Variants in SLC13A3 observed in about 807,000 individuals in gnomAD.
The protein encoded by SLC13A3 is Na(+)/dicarboxylate cotransporter 3.
SLC13A3 carries 40 observed loss-of-function variants against 59.0 expected under a neutral mutation model. The ratio of observed to expected loss-of-function variants is 0.68; its 90% CI spans 0.53 to 0.88. The LOEUF (loss-of-function observed/expected upper bound fraction) is 0.88. Ranked by LOEUF, SLC13A3 falls within the 40% of genes least tolerant of loss-of-function variation. SLC13A3 has a pLI of 0.00. For missense variants in SLC13A3, 699 were observed against 783.2 expected, an observed-to-expected ratio of 0.89 and a Z score of 1.28; for synonymous variants, 317 against 330.3, an observed-to-expected ratio of 0.96 and a Z score of 0.44.
intron 1 of SLC13A3, among the ~76,000 whole-genome samples, chr20:46,622,735 C>T (rs776144686): frequency 6.6e-6 from 1 of 151,756 alleles, no homozygotes; most frequent in Non-Finnish European, 1.5e-5. Flanking sequence ...CTGCTAGGGA[C>T]ACTCTAAGGT....
intron 1 of SLC13A3, among the ~76,000 whole-genome samples, chr20:46,680,610 G>A (rs74743656): frequency 7.9e-5 from 12 of 152,206 alleles, no homozygotes; most frequent in African/African-American, 2.9e-4. Context: ...CCCAACGACT[G>A]CATAATGTGA....
chr20:46,560,328 A>T lies in SLC13A3; in HGVS notation c.1633-130T>A, dbSNP rs1276604554. 3.6e-6 allele frequency: 3 copies of T among 833,152 alleles called. No homozygotes were observed. In the African/African-American group the frequency reaches 5.1e-5, roughly 14 times the overall value. The allele number at this position is 833,152 out of a possible 1,614,324, so 51.6% of individuals were successfully genotyped here. On this transcript the variant is annotated intron_variant, in intron 12 of 12. Coordinates refer to ENST00000279027, the MANE Select transcript of SLC13A3 (RefSeq NM_022829.6). ...CCAGGAAGTGATGGAGCCAGGACACAGACCCAGGTCGGTAAATGCCTGGGA... is the reference window on the plus strand; with the variant it reads ...CCAGGAAGTGATGGAGCCAGGACACTGACCCAGGTCGGTAAATGCCTGGGA...
In SLC13A3 at chr20:46,592,314, A is replaced by G. The variant is rs187073370; in HGVS notation, c.920+90T>C. On this transcript the variant is annotated intron_variant, in intron 6 of 12. Transcript: ENST00000279027. ...AATGAGAATACAACATGAAATAACA[A>G]TCATCCTCAGTTTTCATAGGCAGAT... 2.4e-3 allele frequency: 3,546 copies of G among 1,475,156 alleles called. 9 individuals are homozygous for G. The highest frequency in any genetic ancestry group is 2.9e-3 in the Non-Finnish European group (3,066 of 1,074,170). 91.4% of individuals were successfully genotyped at this position (1,475,156 alleles called of 1,614,324 possible).
intron 3 of SLC13A3, chr20:46,608,791 T>C: frequency 3.6e-6 from 5 of 1,385,216 alleles, no homozygotes; most frequent in Non-Finnish European, 4.8e-6. Flanking sequence ...GTTTCATGGA[T>C]AATGCTTGTT....
At chr20:46,604,603 G>A (rs1341583891) in intron 3 of SLC13A3, among the ~76,000 whole-genome samples, 6 of 152,284 alleles carry the variant, frequency 3.9e-5, no homozygotes, top group Admixed American at 2.0e-4. Flanking sequence ...GTGGTACACC[G>A]TTGGTACCAT....
intron 11 of SLC13A3, among the ~76,000 whole-genome samples, chr20:46,564,698 G>A (rs560227096): frequency 3.3e-5 from 5 of 152,200 alleles, no homozygotes; most frequent in South Asian, 2.1e-4. Flanking sequence ...CATTTTAAAC[G>A]TACATGCTCT....
chr20:46,676,273 C>T (rs1368047009), intron 1 of SLC13A3, among the ~76,000 whole-genome samples: 1 of 152,024 alleles, frequency 6.6e-6, no homozygotes, highest in African/African-American at 2.4e-5. Flanking sequence ...CCTGCAGTTT[C>T]ATGAAATTTT....
chr20:46,659,802 T>C (rs372320186), intron 1 of SLC13A3, among the ~76,000 whole-genome samples: 4 of 151,254 alleles, frequency 2.6e-5, no homozygotes, highest in African/African-American at 9.7e-5. Flanking sequence ...TACCACCCTC[T>C]TCTCTTCCTT....
At chr20:46,598,295 G>C (rs1055442301) in intron 4 of SLC13A3, among the ~76,000 whole-genome samples, 2 of 152,198 alleles carry the variant, frequency 1.3e-5, no homozygotes, top group South Asian at 4.1e-4. Flanking sequence ...TACCGTCATG[G>C]TCTGACTTCT....
chr20:46,594,946 G>A (rs2062295325), intron 5 of SLC13A3, among the ~76,000 whole-genome samples: 1 of 152,156 alleles, frequency 6.6e-6, no homozygotes, highest in South Asian at 2.1e-4. Context: ...GTATGTTACT[G>A]AGGGTTGCAC....
intron 1 of SLC13A3, among the ~76,000 whole-genome samples, chr20:46,631,799 G>GA (rs965851815): frequency 6.6e-5 from 10 of 152,106 alleles, no homozygotes; most frequent in East Asian, 5.8e-4. Flanking sequence ...GAGAGAGAGA[G>GA]AAAAAAATGC....
upstream of SLC13A3, chr20:46,670,222 G>T (rs1349467215): frequency 1.3e-5 from 2 of 152,202 alleles, no homozygotes; most frequent in African/African-American, 2.4e-5. Flanking sequence ...CTGGCCAATG[G>T]GAAGTGAGTA....
intron 10 of SLC13A3, among the ~76,000 whole-genome samples, chr20:46,568,269 A>T (rs1274646355): frequency 6.6e-6 from 1 of 151,758 alleles, no homozygotes; most frequent in East Asian, 1.9e-4. Context: ...GTGGTGGTGC[A>T]CGCCTGTAAT....
rs989248709 is a variant in SLC13A3 at position 46,563,696 on chromosome 20, C to G, written c.1495-145G>C. On this transcript the variant is annotated intron_variant, in intron 11 of 12. Transcript: ENST00000279027. ...AGACAAAGACATCCATAGAGATTGG[C>G]AGAGTGGCAGAGAACAACAGGGACA... 5 of 825,534 alleles carry G rather than the reference C, an allele frequency of 6.1e-6. No individual in the cohort carries two copies. In the African/African-American group the frequency reaches 6.9e-5, roughly 11 times the overall value. 51.1% of individuals were successfully genotyped at this position (825,534 alleles called of 1,614,324 possible).
chr20:46,631,423 T>C (rs1232703401), intron 1 of SLC13A3, among the ~76,000 whole-genome samples: 1 of 152,180 alleles, frequency 6.6e-6, no homozygotes, highest in Non-Finnish European at 1.5e-5. Context: ...CAGAGGTAGA[T>C]TGTGCAAGTT....
intron 1 of SLC13A3, among the ~76,000 whole-genome samples, chr20:46,636,285 C>T (rs1031499786): frequency 3.3e-5 from 5 of 152,196 alleles, no homozygotes; most frequent in Admixed American, 1.3e-4. Flanking sequence ...ATTTATCCCT[C>T]GCTAGAATGT....
At chr20:46,632,436 T>C (rs1389116326) in intron 1 of SLC13A3, among the ~76,000 whole-genome samples, 1 of 147,684 alleles carries the variant, frequency 6.8e-6, no homozygotes, top group African/African-American at 2.5e-5. Flanking sequence ...GGTGGGACAT[T>C]GCCTGGAAGA....
In SLC13A3 at chr20:46,560,061, C is replaced by G; in HGVS notation, c.1770G>C (p.Leu590Phe). ...ADMYSVNVTA[L>F]PPTLANDTFR... is the part of the protein sequence containing the mutation. ...ATGTGTCATTGGCCAAGGTGGGTGG[C>G]AATGCTGTGACATTGACCGAGTACA... The change falls in exon 13 of 13, where the codon TTG becomes TTC. Residue 590 changes from leucine (L) to phenylalanine (F), a missense_variant. Transcript: ENST00000279027. 1 of 1,614,114 alleles carries G rather than the reference C, an allele frequency of 6.2e-7. No homozygotes were observed. Among genetic ancestry groups the G allele is most frequent in the Non-Finnish European group, 8.5e-7 (1 of 1,180,040 alleles).
At chr20:46,568,960 G>C (rs2062006270) in intron 10 of SLC13A3, among the ~76,000 whole-genome samples, 1 of 152,136 alleles carries the variant, frequency 6.6e-6, no homozygotes, top group Non-Finnish European at 1.5e-5. Context: ...ACTCTAAAGG[G>C]ACTTCACCTG....
Sources: gnomAD v4.1 joint callset for allele counts (sites outside exome capture counted in the v4.1 genomes callset) on GRCh38, gnomAD v4.1.1 for gene constraint, MANE v1.5 for transcripts, NCBI Gene and HGNC (gene_info 2026-07-23, HGNC 2026-07-21) for gene names.